ZMYM4: variants seen among roughly 807,000 people sequenced by gnomAD.
The protein encoded by ZMYM4 is zinc finger MYM-type containing 4, also known as zinc finger MYM-type protein 4.
Under a neutral mutation model 183.2 loss-of-function variants are expected in ZMYM4, and 31 were observed. The observed-to-expected ratio is 0.17, with a 90% CI of 0.13 to 0.23. The LOEUF (loss-of-function observed/expected upper bound fraction) is 0.23, where lower values mean the gene tolerates loss of function less well. Among genes scored for constraint, ZMYM4 ranks in the 10% least tolerant of loss-of-function variants. The probability of loss-of-function intolerance (pLI) is 1.00; values close to 1 mark genes in which losing one functional copy is unlikely to be tolerated. For missense variants in ZMYM4, 1,273 were observed against 1,840.3 expected, an observed-to-expected ratio of 0.69 and a Z score of 5.64; for synonymous variants, 592 against 631.2, an observed-to-expected ratio of 0.94 and a Z score of 0.93.
At chr1:35,418,614 GT>G in intron 29 of ZMYM4, 42 bp downstream of exon 29, 1 of 1,603,404 alleles carries the variant, frequency 6.2e-7, no homozygotes, top group East Asian at 2.2e-5. Flanking sequence ...TCAGAAGGCA[GT>G]TAACATATTT....
intron 1 of ZMYM4, among the ~76,000 whole-genome samples, chr1:35,321,145 G>A (rs1364663356): frequency 6.6e-6 from 1 of 152,128 alleles, no homozygotes; most frequent in Non-Finnish European, 1.5e-5. Context: ...ACCTGTATGG[G>A]TACTTGATTC....
Position 35,388,938 on chromosome 1 carries a change from G to T in ZMYM4, c.2292G>T (p.Leu764Phe). ...GCAAATTGCTTTATAAACATGACTT[G>T]GCAAAACGCTGGGGAAATCACTGTA... ...EGCKLLYKHD[L>F]AKRWGNHCKM... Residue 764 changes from leucine (L) to phenylalanine (F), a missense_variant, in exon 14 of 30, where the codon TTG (leucine) becomes TTT (phenylalanine). This residue lies in a region of ZMYM4 where 319 missense variants were observed against 518.1 expected (regional missense o/e 0.62). Coordinates refer to ENST00000314607, the MANE Select transcript of ZMYM4 (RefSeq NM_005095.3). 6.2e-7 allele frequency: 1 copy of T among 1,613,796 alleles called. No individual in the cohort carries two copies. Among genetic ancestry groups the T allele is most frequent in the South Asian group, 1.1e-5 (1 of 91,026 alleles).
intron 9 of ZMYM4, among the ~76,000 whole-genome samples, chr1:35,383,020 G>A (rs1322709113): frequency 1.3e-5 from 2 of 152,154 alleles, no homozygotes; most frequent in South Asian, 2.1e-4. Flanking sequence ...AATTGTTACA[G>A]TAAGGGATTT....
chr1:35,268,811 G>A lies in ZMYM4; in HGVS notation c.-236G>A, dbSNP rs1438811517. Reference sequence around the variant, plus strand: ...GGAGGCCATTAACCCCCCGAGTCCCGGCCCCCACCCCGTCCCCGGGCAGGC... The same window carrying A: ...GGAGGCCATTAACCCCCCGAGTCCCAGCCCCCACCCCGTCCCCGGGCAGGC... On this transcript the variant is annotated 5_prime_UTR_variant, in exon 1 of 30. Coordinates refer to ENST00000314607, the MANE Select transcript of ZMYM4 (RefSeq NM_005095.3). Among the ~76,000 whole-genome samples, 5 of 152,168 alleles carry A rather than the reference G, an allele frequency of 3.3e-5. No individual in the cohort carries two copies. Among genetic ancestry groups the A allele is most frequent in the Admixed American group, 3.3e-4 (5 of 15,284 alleles).
At chr1:35,390,218 G>A in intron 15 of ZMYM4, 120 bp downstream of exon 15, 1 of 1,123,964 alleles carries the variant, frequency 8.9e-7, no homozygotes, top group Non-Finnish European at 1.2e-6. Flanking sequence ...CAGTTTCCTT[G>A]TATTCTGTAT....
In ZMYM4 at chr1:35,361,182, TC is replaced by T; in HGVS notation, c.608-10del. 1 of 1,579,004 alleles carries T rather than the reference TC, an allele frequency of 6.3e-7. No individual in the cohort carries two copies. Among genetic ancestry groups the T allele is most frequent in the Non-Finnish European group, 8.6e-7 (1 of 1,167,480 alleles). ...TACATGTGTTTGTTTGTTTTTTTTT[TC>T]CTTTCAATAGCTAATCAAGTTGAAG... On this transcript the variant is annotated splice_polypyrimidine_tract_variant and intron_variant, in intron 3 of 29. Coordinates refer to ENST00000314607, the MANE Select transcript of ZMYM4 (RefSeq NM_005095.3).
rs1570494903 is a variant in ZMYM4, at chr1:35,386,055, T to C, written c.1721-19T>C. On this transcript the variant is annotated intron_variant, in intron 10 of 29. Transcript: ENST00000314607. ...CATTTGTACATATTACTCATTGGTT[T>C]TTATTTTGATTTGCTAAGGTGTACA... 1.3e-6 allele frequency: 2 copies of C among 1,567,650 alleles called. No individual in the cohort carries two copies. Among genetic ancestry groups the C allele is most frequent in the Admixed American group, 1.7e-5 (1 of 59,178 alleles).
intron 26 of ZMYM4, among the ~76,000 whole-genome samples, chr1:35,412,366 T>A (rs1639948501): frequency 6.6e-6 from 1 of 152,170 alleles, no homozygotes. Flanking sequence ...TAATTTTACT[T>A]CTTCCTTTCC....
chr1:35,328,956 C>T (rs1371318946), intron 2 of ZMYM4, among the ~76,000 whole-genome samples: 1 of 151,898 alleles, frequency 6.6e-6, no homozygotes, highest in African/African-American at 2.4e-5. Flanking sequence ...CCAGACCTAC[C>T]CTGCTAGACC....
At chr1:35,396,508 C>T in intron 18 of ZMYM4, 44 bp from the exon 19 acceptor site, 14 of 1,607,814 alleles carry the variant, frequency 8.7e-6, no homozygotes, top group Non-Finnish European at 1.2e-5. Context: ...GAAAGCATTT[C>T]TAACCCTCTT....
chr1:35,314,867 A>T (rs1314611971), intron 1 of ZMYM4, among the ~76,000 whole-genome samples: 1 of 151,314 alleles, frequency 6.6e-6, no homozygotes, highest in Non-Finnish European at 1.5e-5. Context: ...TCTATTAAAA[A>T]TACAAAAATT....
intron 1 of ZMYM4, among the ~76,000 whole-genome samples, chr1:35,318,746 C>T (rs572666651): frequency 6.6e-6 from 1 of 152,340 alleles, no homozygotes; most frequent in South Asian, 2.1e-4. Flanking sequence ...GCATGTACCA[C>T]TGTGCCCAGC....
At position 35,358,372 on chromosome 1, in the gene ZMYM4, T is replaced by C. The variant is rs1336387078; in HGVS notation, c.86-553T>C. ...GTAAGTATTAACTGCCGTCAGTGTT[T>C]ATTAGTGTTAGTGCAGAGAAAATGG... On this transcript the variant is annotated intron_variant, in intron 2 of 29. Transcript: ENST00000314607. 2.6e-5 allele frequency among the ~76,000 whole-genome samples: 4 copies of C among 152,318 alleles called. No homozygotes were observed. The East Asian group carries it at 7.7e-4, about 29-fold the overall frequency.
At chr1:35,381,071 A>T (rs930003305) in intron 7 of ZMYM4, among the ~76,000 whole-genome samples, 188 bp from the exon 8 acceptor site, 5 of 152,214 alleles carry the variant, frequency 3.3e-5, no homozygotes, top group Non-Finnish European at 7.4e-5. Context: ...ATTCCACTTC[A>T]TAGAAAATAA....
intron 1 of ZMYM4, among the ~76,000 whole-genome samples, chr1:35,320,514 C>T (rs1642236877): frequency 6.6e-6 from 1 of 152,050 alleles, no homozygotes; most frequent in East Asian, 1.9e-4. Context: ...CCCCTGAGAT[C>T]CATGAGCTGC....
chr1:35,282,980 GTTTTTTTTTTTTTTTTTTTTTTTT>G (rs775211352), intron 1 of ZMYM4, among the ~76,000 whole-genome samples: 5 of 26,224 alleles, frequency 1.9e-4, no homozygotes, highest in Non-Finnish European at 4.6e-4. Context: ...TGTGTGTGTG[GTTTTTTTTTTTTTTTTTTTTTTTT>G]TTTTTTTTTT....
At chr1:35,385,094 C>G (rs1187921003) in intron 9 of ZMYM4, among the ~76,000 whole-genome samples, 1 of 152,176 alleles carries the variant, frequency 6.6e-6, no homozygotes, top group African/African-American at 2.4e-5. Context: ...ATCCACCCAC[C>G]TCGGCCTCCC....
intron 1 of ZMYM4, among the ~76,000 whole-genome samples, chr1:35,280,770 C>T (rs1050494267): frequency 6.6e-6 from 1 of 152,116 alleles, no homozygotes; most frequent in Non-Finnish European, 1.5e-5. Context: ...ATTTCTGTCT[C>T]TTCTAAGGAC....
intron 1 of ZMYM4, among the ~76,000 whole-genome samples, chr1:35,269,910 C>T (rs1359425450): frequency 6.6e-6 from 1 of 152,164 alleles, no homozygotes; most frequent in Non-Finnish European, 1.5e-5. Flanking sequence ...TTACTTCCTC[C>T]CCGCTTAGCA....
Sources: allele counts gnomAD v4.1 joint callset (sites outside exome capture counted in the v4.1 genomes callset), GRCh38; gene constraint gnomAD v4.1.1; regional missense constraint gnomAD v4.1.1; transcripts MANE v1.5; gene names NCBI Gene and HGNC (gene_info 2026-07-23, HGNC 2026-07-21).